Variants in ERC2 observed in about 807,000 individuals in gnomAD.
The protein encoded by ERC2 is ERC protein 2.
A neutral mutation model predicts 114.8 loss-of-function variants in ERC2; 42 were observed. The observed-to-expected ratio is 0.37, with a 90% CI of 0.29 to 0.47. ERC2 has a LOEUF of 0.47. Ranked by LOEUF, ERC2 falls within the 20% of genes least tolerant of loss-of-function variation. ERC2 has a pLI of 0.99. For missense variants in ERC2, 939 were observed against 1,150.7 expected, an observed-to-expected ratio of 0.82 and a Z score of 2.66; for synonymous variants, 454 against 425.5, an observed-to-expected ratio of 1.07 and a Z score of -0.82.
At chr3:56,344,451 A>C (rs73832593) in intron 2 of ERC2, among the ~76,000 whole-genome samples, 2,577 of 152,242 alleles carry the variant, frequency 0.017, 79 homozygotes, top group African/African-American at 0.056. Flanking sequence ...GTCTGTCTTT[A>C]ATCAGTGTCT....
intron 3 of ERC2, among the ~76,000 whole-genome samples, chr3:56,203,625 A>C (rs191296283): frequency 2.6e-5 from 4 of 152,324 alleles, no homozygotes; most frequent in African/African-American, 9.6e-5. Flanking sequence ...TCAGGGATTG[A>C]GTATCCCCTG....
At chr3:55,745,411 T>C (rs978154309) in intron 14 of ERC2, among the ~76,000 whole-genome samples, 3 of 152,258 alleles carry the variant, frequency 2.0e-5, no homozygotes, top group African/African-American at 4.8e-5. Context: ...GATTCTTCCA[T>C]TGGAAAAAAA....
intron 1 of ERC2, among the ~76,000 whole-genome samples, chr3:56,458,523 C>T (rs1468368543): frequency 6.6e-6 from 1 of 152,080 alleles, no homozygotes; most frequent in African/African-American, 2.4e-5. Context: ...TGAAGAATTC[C>T]CCTTGCGTGC....
intron 14 of ERC2, among the ~76,000 whole-genome samples, chr3:55,818,552 C>G (rs1300068161): frequency 1.3e-5 from 2 of 152,214 alleles, no homozygotes; most frequent in Non-Finnish European, 2.9e-5. Flanking sequence ...ACCTTCTGCT[C>G]AGATGAATCT....
At chr3:56,307,640 A>G (rs1389315161) in intron 2 of ERC2, among the ~76,000 whole-genome samples, 1 of 152,200 alleles carries the variant, frequency 6.6e-6, no homozygotes, top group Non-Finnish European at 1.5e-5. Context: ...TCTTTAACCA[A>G]TCAGGCCACT....
intron 14 of ERC2, among the ~76,000 whole-genome samples, chr3:55,780,403 A>G (rs563884036): frequency 3.9e-5 from 6 of 152,336 alleles, no homozygotes; most frequent in African/African-American, 1.4e-4. Flanking sequence ...GTCAACCTGC[A>G]CTGCCAGTTA....
At chr3:55,624,221 T>C (rs892227633) in intron 17 of ERC2, among the ~76,000 whole-genome samples, 5 of 152,206 alleles carry the variant, frequency 3.3e-5, no homozygotes, top group Non-Finnish European at 7.3e-5. Flanking sequence ...GAATGAACAC[T>C]ATTTTTAGAA....
intron 14 of ERC2, among the ~76,000 whole-genome samples, chr3:55,875,986 G>A (rs2062818725): frequency 6.6e-6 from 1 of 152,126 alleles, no homozygotes; most frequent in Non-Finnish European, 1.5e-5. Context: ...TGGAAGAGAA[G>A]AGAGAGTGGG....
chr3:56,066,480 A>G (rs1335475756), intron 7 of ERC2, among the ~76,000 whole-genome samples: 5 of 152,172 alleles, frequency 3.3e-5, no homozygotes, highest in Non-Finnish European at 7.4e-5. Flanking sequence ...GTGGATTGCA[A>G]AAGTTTTCTC....
chr3:55,854,730 C>T (rs1195147078), intron 14 of ERC2, among the ~76,000 whole-genome samples: 1 of 152,192 alleles, frequency 6.6e-6, no homozygotes, highest in Non-Finnish European at 1.5e-5. Flanking sequence ...TCATTTAAAC[C>T]ATACATGTCA....
intron 14 of ERC2, among the ~76,000 whole-genome samples, chr3:55,821,307 G>T (rs143225988): frequency 6.6e-6 from 1 of 152,084 alleles, no homozygotes; most frequent in African/African-American, 2.4e-5. Flanking sequence ...TCTCTGGCTC[G>T]CCGGCCACTG....
intron 12 of ERC2, among the ~76,000 whole-genome samples, chr3:55,968,204 G>C (rs1337597891): frequency 6.6e-6 from 1 of 152,072 alleles, no homozygotes; most frequent in East Asian, 1.9e-4. Context: ...CATTCCAAAT[G>C]TAGAAGTGAA....
chr3:56,219,963 A>G (rs1046595879), intron 3 of ERC2, among the ~76,000 whole-genome samples: 13 of 152,316 alleles, frequency 8.5e-5, no homozygotes, highest in Non-Finnish European at 1.8e-4. Context: ...TAAAATGAAA[A>G]TTGCGGAAAG....
chr3:55,515,338 G>A (rs776444105), intron 17 of ERC2, among the ~76,000 whole-genome samples: 3 of 151,934 alleles, frequency 2.0e-5, no homozygotes, highest in Non-Finnish European at 4.4e-5. Flanking sequence ...CTGGGTGGTG[G>A]TTTTAAACTT....
intron 2 of ERC2, among the ~76,000 whole-genome samples, chr3:56,316,380 TA>T (rs781272906): frequency 1.3e-5 from 2 of 152,226 alleles, no homozygotes; most frequent in Non-Finnish European, 2.9e-5. Context: ...TTCCTTTAAA[TA>T]AACTTTTAAA....
At chr3:56,040,753 T>G (rs144045752) in intron 7 of ERC2, among the ~76,000 whole-genome samples, 4 of 137,490 alleles carry the variant, frequency 2.9e-5, no homozygotes, top group South Asian at 2.4e-4. Flanking sequence ...TAGAGAGAGA[T>G]ATAGATACAT....
intron 17 of ERC2, among the ~76,000 whole-genome samples, chr3:55,580,807 T>C (rs1023502594): frequency 1.3e-5 from 2 of 152,232 alleles, no homozygotes; most frequent in Admixed American, 1.3e-4. Flanking sequence ...GCCTATGTGC[T>C]TGCCTACATG....
chr3:55,796,081 G>A (rs572684531), intron 14 of ERC2, among the ~76,000 whole-genome samples: 1 of 152,240 alleles, frequency 6.6e-6, no homozygotes, highest in Non-Finnish European at 1.5e-5. Flanking sequence ...GGTGGTTGAG[G>A]GGGGAGGGTA....
At chr3:56,306,054 G>A (rs1363936651) in intron 2 of ERC2, among the ~76,000 whole-genome samples, 1 of 152,018 alleles carries the variant, frequency 6.6e-6, no homozygotes, top group African/African-American at 2.4e-5. Context: ...TCTCCGTGTT[G>A]CCCAGGCTGT....
Sources: allele counts gnomAD v4.1 joint callset (sites outside exome capture counted in the v4.1 genomes callset), GRCh38; gene constraint gnomAD v4.1.1; transcripts MANE v1.5; gene names NCBI Gene and HGNC (gene_info 2026-07-23, HGNC 2026-07-21).